The following SRBD1 variants were observed in gnomAD, a reference collection of about 807,000 sequenced individuals.
SRBD1 encodes the protein S1 RNA-binding domain-containing protein 1.
In SRBD1, 88 loss-of-function variants were observed where a neutral mutation model predicts 115.3. That is an observed-to-expected ratio of 0.76 (90% confidence interval 0.64 to 0.91). SRBD1 has a LOEUF of 0.91. Ranked by LOEUF, SRBD1 falls within the 40% of genes least tolerant of loss-of-function variation. The pLI is 0.00. For synonymous variants in SRBD1, 509 were observed against 407.7 expected (o/e 1.25, Z -2.99); for missense variants, 1,385 against 1,177.4 (o/e 1.18, Z -2.58).
intron 4 of SRBD1, 41 bp from the exon 5 acceptor site, chr2:45,585,815 T>C: frequency 6.7e-7 from 1 of 1,485,166 alleles, no homozygotes; most frequent in South Asian, 1.2e-5. Flanking sequence ...ATGCTGAAAA[T>C]TAAACATCTA....
At chr2:45,588,620 C>G (rs7599607) in intron 4 of SRBD1, among the ~76,000 whole-genome samples, 3 of 151,902 alleles carry the variant, frequency 2.0e-5, no homozygotes, top group African/African-American at 4.9e-5. Flanking sequence ...GACCCTAACT[C>G]CAGCTCTACA....
chr2:45,587,036 A>ATT (rs1558496930), intron 4 of SRBD1, among the ~76,000 whole-genome samples: 4 of 77,184 alleles, frequency 5.2e-5, no homozygotes, highest in East Asian at 2.7e-4. Context: ...AATATTTAAA[A>ATT]ATTTTTAAAT....
At chr2:45,476,929 C>T (rs1669820870) in intron 16 of SRBD1, 64 bp downstream of exon 16, 2 of 1,440,390 alleles carry the variant, frequency 1.4e-6, no homozygotes, top group African/African-American at 2.8e-5. Context: ...ATTACTATCC[C>T]AGGTTTGAGT....
chr2:45,400,115 A>C (rs1667252560), intron 19 of SRBD1, among the ~76,000 whole-genome samples: 1 of 152,202 alleles, frequency 6.6e-6, no homozygotes, highest in South Asian at 2.1e-4. Context: ...CTGCCATTTC[A>C]ATAAATCCCT....
intron 14 of SRBD1, among the ~76,000 whole-genome samples, chr2:45,521,543 C>A (rs1354755818): frequency 6.6e-6 from 1 of 152,042 alleles, no homozygotes; most frequent in Non-Finnish European, 1.5e-5. Flanking sequence ...ACCCCTCATG[C>A]ATTGCTGGTA....
intron 16 of SRBD1, among the ~76,000 whole-genome samples, chr2:45,476,314 T>A (rs1056606597): frequency 6.6e-6 from 1 of 152,144 alleles, no homozygotes; most frequent in Non-Finnish European, 1.5e-5. Context: ...TGACATAATA[T>A]ATTTCTTTAG....
intron 8 of SRBD1, among the ~76,000 whole-genome samples, chr2:45,574,149 G>C (rs1180086288): frequency 1.3e-5 from 2 of 152,168 alleles, no homozygotes; most frequent in African/African-American, 4.8e-5. Flanking sequence ...TAGATAAGCT[G>C]CTCTCCTCAA....
In SRBD1 at chr2:45,579,800, G is replaced by C. The variant is rs984349529; in HGVS notation, c.1072+75C>G. ...TGTATAATCAGTACTTAACAAAACA[G>C]TTTTTTAACATACGTTTTTAAATTA... On this transcript the variant is annotated intron_variant, in intron 7 of 20. Transcript: ENST00000263736. 11 of 1,431,444 alleles carry C rather than the reference G, an allele frequency of 7.7e-6. No individual in the cohort carries two copies. The Admixed American group carries it at 2.1e-4, about 27-fold the overall frequency. The allele number at this position is 1,431,444 out of a possible 1,614,324, so 88.7% of individuals were successfully genotyped here. A position where few individuals can be genotyped will look rare whatever the true frequency, so the allele number is the denominator to read the frequency against.
At chr2:45,514,534 T>A (rs1221169951) in intron 14 of SRBD1, among the ~76,000 whole-genome samples, 6 of 152,184 alleles carry the variant, frequency 3.9e-5, no homozygotes, top group Non-Finnish European at 1.5e-5. Context: ...ACAAGTCATT[T>A]AGCTAACATT....
intron 9 of SRBD1, among the ~76,000 whole-genome samples, chr2:45,567,529 A>G (rs1023631770): frequency 2.0e-5 from 3 of 152,158 alleles, no homozygotes; most frequent in African/African-American, 7.2e-5. Context: ...GAATGCCTTC[A>G]GCCCGCAAGG....
At chr2:45,466,603 T>C (rs1669497047) in intron 16 of SRBD1, among the ~76,000 whole-genome samples, 1 of 152,194 alleles carries the variant, frequency 6.6e-6, no homozygotes, top group South Asian at 2.1e-4. Flanking sequence ...ATATTTTAAA[T>C]GAGTACGTTC....
rs551327193 is a variant in SRBD1, at chr2:45,431,924, C to T, written c.2050-12030G>A. Among the ~76,000 whole-genome samples, 13 of 152,146 alleles carry T rather than the reference C, an allele frequency of 8.5e-5. No individual in the cohort carries two copies. The South Asian group carries it at 1.5e-3, about 17-fold the overall frequency. The stretch of plus-strand genomic sequence containing the variant: ...TAATAGAAACTTCTGTAAACGCTGC[C>T]GTCAGGTCAGCTGTAAATATAAACT... On this transcript the variant is annotated intron_variant, in intron 16 of 20. Coordinates refer to ENST00000263736, the MANE Select transcript of SRBD1 (RefSeq NM_018079.5).
intron 14 of SRBD1, among the ~76,000 whole-genome samples, chr2:45,496,975 T>C (rs191430110): frequency 2.2e-4 from 33 of 152,346 alleles, no homozygotes; most frequent in African/African-American, 6.0e-4. Context: ...TCATAGTTTT[T>C]AAAGTACACT....
At chr2:45,484,884 T>A (rs1670068271) in intron 15 of SRBD1, among the ~76,000 whole-genome samples, 1 of 152,204 alleles carries the variant, frequency 6.6e-6, no homozygotes, top group African/African-American at 2.4e-5. Flanking sequence ...GGCATGACAT[T>A]TTTGAGGTTC....
At chr2:45,560,984 A>G (rs1054517304) in intron 10 of SRBD1, among the ~76,000 whole-genome samples, 10 of 151,918 alleles carry the variant, frequency 6.6e-5, no homozygotes, top group African/African-American at 2.4e-4. Flanking sequence ...GTATGCACCT[A>G]TGGTCCCAGC....
intron 10 of SRBD1, among the ~76,000 whole-genome samples, chr2:45,562,385 C>G (rs1420297480): frequency 2.6e-5 from 4 of 152,048 alleles, no homozygotes; most frequent in African/African-American, 9.7e-5. Flanking sequence ...CACCACCATG[C>G]CCAGCTAATT....
chr2:45,465,274 G>A (rs960564254), intron 16 of SRBD1, among the ~76,000 whole-genome samples: 6 of 151,736 alleles, frequency 4.0e-5, no homozygotes, highest in Non-Finnish European at 5.9e-5. Context: ...ACAATGACAC[G>A]GAAAAAAAGT....
chr2:45,600,237 A>G (rs1463637099), intron 3 of SRBD1, among the ~76,000 whole-genome samples: 1 of 152,206 alleles, frequency 6.6e-6, no homozygotes, highest in Non-Finnish European at 1.5e-5. Flanking sequence ...AGAAATCTAA[A>G]TAAGATCAGT....
chr2:45,440,080 T>C (rs189377303), intron 16 of SRBD1, among the ~76,000 whole-genome samples: 92 of 152,182 alleles, frequency 6.0e-4, no homozygotes, highest in Non-Finnish European at 9.9e-4. Flanking sequence ...GTAGACCACA[T>C]AGGTAGTCAG....
Sources: allele counts gnomAD v4.1 joint callset (sites outside exome capture counted in the v4.1 genomes callset), GRCh38; gene constraint gnomAD v4.1.1; transcripts MANE v1.5; gene names NCBI Gene and HGNC (gene_info 2026-07-23, HGNC 2026-07-21).